ADCY1: variants seen among roughly 807,000 people sequenced by gnomAD.
ADCY1 encodes adenylate cyclase 1, also known as adenylate cyclase type 1.
A neutral mutation model predicts 105.4 loss-of-function variants in ADCY1; 28 were observed. That is an observed-to-expected ratio of 0.27 (90% CI 0.20 to 0.36). The LOEUF (loss-of-function observed/expected upper bound fraction) is 0.36. ADCY1 is among the 10% of genes least tolerant of loss of function. The pLI, the probability that ADCY1 is intolerant of heterozygous loss-of-function variation, is 1.00. For missense variants in ADCY1, 977 were observed against 1,434.2 expected, an observed-to-expected ratio of 0.68 and a Z score of 5.15; for synonymous variants, 655 against 623.8, an observed-to-expected ratio of 1.05 and a Z score of -0.75.
intron 11 of ADCY1, among the ~76,000 whole-genome samples, chr7:45,684,111 T>C (rs1784619073): frequency 6.6e-6 from 1 of 152,240 alleles, no homozygotes; most frequent in African/African-American, 2.4e-5. Flanking sequence ...GAGCAGCGGT[T>C]CTTCTGAGAT....
intron 3 of ADCY1, among the ~76,000 whole-genome samples, chr7:45,610,772 G>GAAGGT (rs1793528875): frequency 6.6e-6 from 1 of 150,896 alleles, no homozygotes; most frequent in Non-Finnish European, 1.5e-5. Context: ...AGGTGATAGT[G>GAAGGT]GAGGTGTGGG....
chr7:45,586,051 G>T (rs1792713389), intron 1 of ADCY1, among the ~76,000 whole-genome samples: 1 of 152,156 alleles, frequency 6.6e-6, no homozygotes, highest in South Asian at 2.1e-4. Flanking sequence ...CCACCTGGGG[G>T]CTTGCATCTG....
chr7:45,690,158 G>C (rs545183362), intron 14 of ADCY1, among the ~76,000 whole-genome samples: 2 of 152,182 alleles, frequency 1.3e-5, no homozygotes, highest in African/African-American at 4.8e-5. Flanking sequence ...GGAAGTGGTC[G>C]TGTGGAGTCT....
intron 8 of ADCY1, among the ~76,000 whole-genome samples, chr7:45,675,507 A>G (rs186420600): frequency 3.2e-4 from 48 of 151,290 alleles, no homozygotes; most frequent in African/African-American, 1.1e-3. Context: ...TTCTTTTACT[A>G]TTTTCTTTTT....
chr7:45,705,217 A>C (rs1468693836), intron 17 of ADCY1, among the ~76,000 whole-genome samples: 2 of 152,206 alleles, frequency 1.3e-5, no homozygotes, highest in East Asian at 3.8e-4. Flanking sequence ...TTTCTAACTC[A>C]TTCTGTAGGC....
intron 8 of ADCY1, among the ~76,000 whole-genome samples, chr7:45,676,787 C>T (rs74996065): frequency 0.014 from 2,105 of 151,284 alleles, 19 homozygotes; most frequent in Middle Eastern, 0.024. Context: ...AGATCAAAGT[C>T]GAGGCTCCCC....
chr7:45,588,869 A>ATG (rs55962124), intron 1 of ADCY1, among the ~76,000 whole-genome samples: 7,434 of 149,094 alleles, frequency 0.05, 297 homozygotes, highest in African/African-American at 0.12. Context: ...CATTGCGTGT[A>ATG]TGTGTGTGTG....
chr7:45,697,242 G>A (rs1784901867), intron 14 of ADCY1, among the ~76,000 whole-genome samples: 2 of 152,068 alleles, frequency 1.3e-5, no homozygotes, highest in South Asian at 4.2e-4. Context: ...TATGGAGTCT[G>A]GATGCTGTCT....
chr7:45,661,909 G>A (rs562242496), intron 7 of ADCY1, 150 bp from the exon 8 acceptor site: 92 of 927,894 alleles, frequency 9.9e-5, no homozygotes, highest in Admixed American at 1.4e-4. Flanking sequence ...TTCTGGGCAC[G>A]TTCCCCAATG....
chr7:45,644,252 G>A (rs1275576914), intron 4 of ADCY1, among the ~76,000 whole-genome samples: 1 of 152,190 alleles, frequency 6.6e-6, no homozygotes, highest in African/African-American at 2.4e-5. Context: ...AGCGGCCTGG[G>A]CATGTCAGAG....
At chr7:45,638,078 G>T (rs1794440253) in intron 4 of ADCY1, among the ~76,000 whole-genome samples, 1 of 152,074 alleles carries the variant, frequency 6.6e-6, no homozygotes, top group Non-Finnish European at 1.5e-5. Flanking sequence ...TCCTATGCCT[G>T]CAGTATGTTG....
At chr7:45,578,539 G>A (rs1792420118) in intron 1 of ADCY1, among the ~76,000 whole-genome samples, 1 of 152,200 alleles carries the variant, frequency 6.6e-6, no homozygotes, top group Non-Finnish European at 1.5e-5. Context: ...AGGGGTGAGT[G>A]CCAAGGACCA....
At position 45,591,620 on chromosome 7, in the gene ADCY1, G is replaced by A. The variant is rs890035508; in HGVS notation, c.640-1139G>A. Among the ~76,000 whole-genome samples the A allele has an allele frequency of 6.6e-6, 1 of 152,206 alleles. No homozygotes were observed. ...TTTTGCGAGTGACCAAGGGACACCC[G>A]TTTCATACAATACTTACAAACTGCA... is the stretch of plus-strand genomic sequence containing the variant. On this transcript the variant is annotated intron_variant, in intron 1 of 19. Transcript: ENST00000297323. This position sits in a 1 kb window ranked among gnomAD's most constrained non-coding sequence, Gnocchi z 4.1.
intron 8 of ADCY1, among the ~76,000 whole-genome samples, chr7:45,670,507 T>C (rs1368012775): frequency 5.9e-5 from 9 of 152,138 alleles, no homozygotes; most frequent in African/African-American, 1.9e-4. Context: ...AACCGGAAAA[T>C]GGACCTGTGT....
In ADCY1 at chr7:45,718,969, TG is replaced by T. The variant is rs1785412120; in HGVS notation, c.*4978del. 1 of 152,796 alleles carries T rather than the reference TG, an allele frequency of 6.5e-6. No individual in the cohort carries two copies. Among genetic ancestry groups the T allele is most frequent in the Non-Finnish European group, 1.5e-5 (1 of 68,160 alleles). 9.5% of individuals were successfully genotyped at this position (152,796 alleles called of 1,614,324 possible). On this transcript the variant is annotated 3_prime_UTR_variant, in exon 20 of 20. Transcript: ENST00000297323. Reference sequence around the variant, plus strand: ...TCTGAGTGTGGTCAGGCCCTGCCGTTGGGGAATGAATGCCACACGGGGTTTG... The same window carrying T: ...TCTGAGTGTGGTCAGGCCCTGCCGTTGGGAATGAATGCCACACGGGGTTTG...
upstream of ADCY1, chr7:45,574,158 G>A (rs927063597): frequency 1.7e-5 from 17 of 984,388 alleles, no homozygotes; most frequent in Non-Finnish European, 2.1e-5. The surrounding 1 kb of genome is among the most constrained non-coding windows in gnomAD (Gnocchi z 7.0). Context: ...GTGCACGGTG[G>A]GGAAACTGAG....
chr7:45,660,020 C>T (rs1795052684), intron 6 of ADCY1, 22 bp from the exon 7 acceptor site: 2 of 1,613,710 alleles, frequency 1.2e-6, no homozygotes, highest in Non-Finnish European at 8.5e-7. Flanking sequence ...ACTCATCTGG[C>T]CTCTGCCTCC....
intron 8 of ADCY1, among the ~76,000 whole-genome samples, chr7:45,672,714 A>ATC (rs1053996236): frequency 6.6e-6 from 1 of 152,026 alleles, no homozygotes; most frequent in African/African-American, 2.4e-5. Flanking sequence ...ATATATATAT[A>ATC]TTCCTTGAGA....
At chr7:45,685,272 G>C (rs1478051246) in intron 12 of ADCY1, among the ~76,000 whole-genome samples, 2 of 152,236 alleles carry the variant, frequency 1.3e-5, no homozygotes, top group Non-Finnish European at 2.9e-5. Flanking sequence ...AAGGAGCCTG[G>C]CTTCTTCATA....
Sources: gnomAD v4.1 joint callset for allele counts (sites outside exome capture counted in the v4.1 genomes callset) on GRCh38, gnomAD v4.1.1 for gene constraint, Gnocchi (gnomAD v3.1) non-coding constraint, MANE v1.5 for transcripts, NCBI Gene and HGNC (gene_info 2026-07-23, HGNC 2026-07-21) for gene names.